C2CD2: variants seen among roughly 807,000 people sequenced by gnomAD.
C2CD2 encodes C2 domain-containing protein 2.
In C2CD2, 43 loss-of-function variants were observed where a neutral mutation model predicts 74.3. The ratio of observed to expected loss-of-function variants is 0.58; its 90% CI spans 0.45 to 0.75. The LOEUF is 0.75. Among genes scored for constraint, C2CD2 ranks in the 30% least tolerant of loss-of-function variants. The pLI is 0.00. For missense variants in C2CD2, 801 were observed against 916.3 expected (o/e 0.87, Z 1.63); for synonymous variants, 422 against 390.7 (o/e 1.08, Z -0.94).
At chr21:41,950,582 T>G (rs1454998579) in intron 1 of C2CD2, among the ~76,000 whole-genome samples, 1 of 152,212 alleles carries the variant, frequency 6.6e-6, no homozygotes, top group Non-Finnish European at 1.5e-5. Context: ...CTCTACTCTC[T>G]GAGCTCTTCT....
intron 2 of C2CD2, among the ~76,000 whole-genome samples, chr21:41,932,930 G>A (rs2065275441): frequency 6.6e-6 from 1 of 150,402 alleles, no homozygotes; most frequent in Non-Finnish European, 1.5e-5. Flanking sequence ...TTCATTGGGA[G>A]AGGGACCCAC....
chr21:41,938,031 T>C (rs2065322780), intron 2 of C2CD2, among the ~76,000 whole-genome samples: 1 of 152,160 alleles, frequency 6.6e-6, no homozygotes, highest in Admixed American at 6.6e-5. Flanking sequence ...ACCTATTGCA[T>C]ACCGTGGTGA....
At chr21:41,952,223 T>C (rs1306576467) in intron 1 of C2CD2, among the ~76,000 whole-genome samples, 1 of 152,252 alleles carries the variant, frequency 6.6e-6, no homozygotes, top group Admixed American at 6.5e-5. Context: ...CAGTCATTTA[T>C]GTTCTTTTTC....
chr21:41,894,648 A>T, intron 13 of C2CD2: 1 of 456,430 alleles, frequency 2.2e-6, no homozygotes, highest in South Asian at 1.5e-5. Flanking sequence ...GGATTCCCAG[A>T]ATGAGTTGCG....
intron 8 of C2CD2, chr21:41,908,066 G>A (rs2064985427): frequency 2.3e-6 from 1 of 429,638 alleles, no homozygotes; most frequent in East Asian, 5.0e-5. Flanking sequence ...AGGACATCAC[G>A]GGGTCGTCCA....
intron 2 of C2CD2, among the ~76,000 whole-genome samples, chr21:41,928,952 C>A (rs913380230): frequency 6.7e-6 from 1 of 149,806 alleles, no homozygotes; most frequent in African/African-American, 2.4e-5. Flanking sequence ...GGTGGGGGCA[C>A]GAGCTTAAGT....
intron 1 of C2CD2, 23 bp downstream of exon 1, chr21:41,953,347 G>A (rs771613638): frequency 1.6e-4 from 218 of 1,379,850 alleles, no homozygotes; most frequent in Non-Finnish European, 2.0e-4. Flanking sequence ...GCCGCCCCCC[G>A]GCCCGCAGTC....
chr21:41,900,641 A>G (rs396690), intron 12 of C2CD2, among the ~76,000 whole-genome samples: 59,625 of 151,962 alleles, frequency 0.39, 11,923 homozygotes, highest in Middle Eastern at 0.49. Flanking sequence ...TGGCACCTCC[A>G]AGGTCCTGTT....
rs1207189084 is a variant in C2CD2 at position 41,923,849 on chromosome 21, A to G, written c.379-1764T>C. ...CCCTCCCGGGGGCAGAGGGCCAAGCAGACACGTGTGGGATAATTACCAGGC... is the reference window on the plus strand; with the variant it reads ...CCCTCCCGGGGGCAGAGGGCCAAGCGGACACGTGTGGGATAATTACCAGGC... On this transcript the variant is annotated intron_variant, in intron 2 of 13. Coordinates refer to ENST00000380486, the MANE Select transcript of C2CD2 (RefSeq NM_015500.2). This position sits in a 1 kb window ranked among gnomAD's most constrained non-coding sequence, Gnocchi z 5.8. Among the ~76,000 whole-genome samples the G allele has an allele frequency of 1.3e-5, 2 of 152,078 alleles. No individual in the cohort carries two copies. Among genetic ancestry groups the G allele is most frequent in the African/African-American group, 4.8e-5 (2 of 41,410 alleles).
chr21:41,950,047 T>G (rs983626561), intron 1 of C2CD2, among the ~76,000 whole-genome samples: 11 of 152,030 alleles, frequency 7.2e-5, no homozygotes, highest in African/African-American at 2.7e-4. Flanking sequence ...AAATGACAAG[T>G]TGATGGGTGC....
chr21:41,907,866 A>C, intron 8 of C2CD2, 82 bp from the exon 9 acceptor site: 1 of 1,473,954 alleles, frequency 6.8e-7, no homozygotes, highest in South Asian at 1.1e-5. Context: ...CACGCCCAGC[A>C]GCCGGAACAC....
intron 3 of C2CD2, among the ~76,000 whole-genome samples, chr21:41,919,561 A>G (rs1339289650): frequency 6.6e-6 from 1 of 152,204 alleles, no homozygotes; most frequent in African/African-American, 2.4e-5. Context: ...GAGTATCCGC[A>G]AGGCATAAAG....
intron 13 of C2CD2, among the ~76,000 whole-genome samples, chr21:41,893,724 C>T (rs531961871): frequency 4.2e-5 from 5 of 119,826 alleles, no homozygotes; most frequent in Non-Finnish European, 6.6e-5. Flanking sequence ...TTTTTTGAGA[C>T]GGAGTCTCGC....
At chr21:41,943,780 T>C (rs899368611) in intron 1 of C2CD2, among the ~76,000 whole-genome samples, 3 of 152,374 alleles carry the variant, frequency 2.0e-5, no homozygotes, top group East Asian at 1.9e-4. Context: ...TTTTGATTTA[T>C]AGGCTTCTAA....
chr21:41,897,365 C>G (rs1299478971), intron 13 of C2CD2, among the ~76,000 whole-genome samples: 1 of 152,174 alleles, frequency 6.6e-6, no homozygotes, highest in Non-Finnish European at 1.5e-5. Flanking sequence ...GCTACCCCAC[C>G]CTGCACCCAT....
In C2CD2 at chr21:41,953,463, C is replaced by A; in HGVS notation, c.186G>T (p.Ala62=). ...PGEGPRPGSD[A]LLSWILTLGS... ...CCAGCGTCAGGATCCAGGAGAGCAGCGCGTCGGACCCCGGGCGCGGCCCCT... is the reference window on the plus strand; with the variant it reads ...CCAGCGTCAGGATCCAGGAGAGCAGAGCGTCGGACCCCGGGCGCGGCCCCT... Residue 62 remains alanine, a synonymous_variant, in exon 1 of 14, where the codon GCG becomes GCT. Coordinates refer to ENST00000380486, the MANE Select transcript of C2CD2 (RefSeq NM_015500.2). The A allele has an allele frequency of 6.7e-7, 1 of 1,487,870 alleles. No individual in the cohort carries two copies. Among genetic ancestry groups the A allele is most frequent in the South Asian group, 1.3e-5 (1 of 76,300 alleles). The allele number at this position is 1,487,870 out of a possible 1,614,324, so 92.2% of individuals were successfully genotyped here.
In C2CD2 at chr21:41,907,735, A is replaced by G. The variant is rs939729554; in HGVS notation, c.1068T>C (p.Pro356=). Residue 356 remains proline, a synonymous_variant, in exon 9 of 14, where the codon CCT becomes CCC. Transcript: ENST00000380486. ...TVPLDLFKKQ[P]SGPQSFTLTS... ...TCAGCGTGAAGCTCTGTGGCCCAGA[A>G]GGCTGCTTCTTAAATAAGTCCAGAG... The G allele has an allele frequency of 1.3e-5, 21 of 1,613,608 alleles. No individual in the cohort carries two copies. The African/African-American group carries it at 2.8e-4, about 22-fold the overall frequency.
intron 11 of C2CD2, among the ~76,000 whole-genome samples, chr21:41,902,328 C>T (rs771931057): frequency 2.0e-5 from 3 of 152,196 alleles, no homozygotes; most frequent in African/African-American, 4.8e-5. Flanking sequence ...AAAAGCACCT[C>T]CTTCCCCAGG....
chr21:41,942,811 G>C (rs2065366230), intron 1 of C2CD2: 2 of 202,780 alleles, frequency 9.9e-6, no homozygotes, highest in East Asian at 1.9e-4. Flanking sequence ...GATCTGAGAG[G>C]GTGGCCAAGA....
Sources: gnomAD v4.1 joint callset for allele counts (sites outside exome capture counted in the v4.1 genomes callset) on GRCh38, gnomAD v4.1.1 for gene constraint, Gnocchi (gnomAD v3.1) non-coding constraint, MANE v1.5 for transcripts, NCBI Gene and HGNC (gene_info 2026-07-23, HGNC 2026-07-21) for gene names.